SF3A3: variants seen among roughly 807,000 people sequenced by gnomAD.
SF3A3 encodes SAP 61.
Under a neutral mutation model 85.8 loss-of-function variants are expected in SF3A3, and 9 were observed. The observed-to-expected ratio is 0.10, with a 90% CI of 0.06 to 0.18. The LOEUF is 0.18. SF3A3 is among the 10% of genes least tolerant of loss of function. The probability of loss-of-function intolerance (pLI) is 1.00; values close to 1 mark genes in which losing one functional copy is unlikely to be tolerated. For synonymous variants in SF3A3, 195 were observed against 204.4 expected, an observed-to-expected ratio of 0.95 and a Z score of 0.39; for missense variants, 306 against 593.3, an observed-to-expected ratio of 0.52 and a Z score of 5.03.
chr1:37,981,591 T>C (rs1424905476), intron 7 of SF3A3, 138 bp downstream of exon 7: 2 of 680,932 alleles, frequency 2.9e-6, no homozygotes, highest in African/African-American at 1.8e-5. Flanking sequence ...ACATCATTCA[T>C]AACCCCATCC....
intron 15 of SF3A3, chr1:37,960,392 G>C (rs897252108): frequency 4.0e-6 from 2 of 503,060 alleles, no homozygotes; most frequent in Non-Finnish European, 7.2e-6. Flanking sequence ...TATAAAAGTT[G>C]GATCAAATAT....
At chr1:37,980,419 C>T (rs902306041) in intron 8 of SF3A3, among the ~76,000 whole-genome samples, 167 bp downstream of exon 8, 5 of 150,946 alleles carry the variant, frequency 3.3e-5, no homozygotes, top group East Asian at 1.9e-4. Context: ...AGCGAAACTC[C>T]GTCTCCAAAA....
chr1:37,962,277 G>A (rs141366442), intron 15 of SF3A3, among the ~76,000 whole-genome samples: 3,159 of 96,442 alleles, frequency 0.033, 149 homozygotes, highest in African/African-American at 0.12. Flanking sequence ...GTGACAGAGC[G>A]AGACTGTCAA....
Position 37,990,020 on chromosome 1 carries a change from C to CAGG in SF3A3, c.-56_-55insCCT. On this transcript the variant is annotated 5_prime_UTR_variant, in exon 1 of 17. Coordinates refer to ENST00000373019, the MANE Select transcript of SF3A3 (RefSeq NM_006802.4). ...ACCACCAACACGGCCGGAAGCAACT[C>CAGG]CTGCCGCCCAGCGCGCCTGAGTCCC... is the stretch of plus-strand genomic sequence containing the variant. The CAGG allele has an allele frequency of 7.3e-7, 1 of 1,366,884 alleles. No homozygotes were observed. The highest frequency in any genetic ancestry group is 1.0e-6 in the Non-Finnish European group (1 of 965,976). 84.7% of individuals were successfully genotyped at this position (1,366,884 alleles called of 1,614,324 possible). A position where few individuals can be genotyped will look rare whatever the true frequency, so the allele number is the denominator to read the frequency against.
chr1:37,959,822 G>T (rs202230907), intron 16 of SF3A3, among the ~76,000 whole-genome samples: 2 of 151,962 alleles, frequency 1.3e-5, no homozygotes, highest in South Asian at 4.2e-4. Context: ...GTCGGGTGTG[G>T]TGGCGGGCGC....
intron 6 of SF3A3, among the ~76,000 whole-genome samples, chr1:37,982,846 A>C (rs916331753): frequency 6.6e-6 from 1 of 152,094 alleles, no homozygotes; most frequent in African/African-American, 2.4e-5. Flanking sequence ...TGTAATCCCA[A>C]GGCTTTGAGA....
chr1:37,985,949 CTTTT>C (rs10673830), intron 4 of SF3A3, among the ~76,000 whole-genome samples: 3 of 118,942 alleles, frequency 2.5e-5, no homozygotes, highest in Non-Finnish European at 3.3e-5. Context: ...TCCTACCAGA[CTTTT>C]TTTTTTTTTT....
In SF3A3 at chr1:37,974,095, G is replaced by A. The variant is rs534239983; in HGVS notation, c.1005+2789C>T. ...GGGACCTGTTGTGGGGTTGGAGGAC[G>A]GGGGAGGGATAGCATTAGGAGATAT... On this transcript the variant is annotated intron_variant, in intron 12 of 16. Coordinates refer to ENST00000373019, the MANE Select transcript of SF3A3 (RefSeq NM_006802.4). 1.8e-4 allele frequency among the ~76,000 whole-genome samples: 28 copies of A among 152,150 alleles called. 1 individual carries two copies. The South Asian group carries it at 4.4e-3, about 24-fold the overall frequency.
At chr1:37,961,617 A>G (rs1646259158) in intron 15 of SF3A3, among the ~76,000 whole-genome samples, 1 of 151,524 alleles carries the variant, frequency 6.6e-6, no homozygotes, top group African/African-American at 2.4e-5. Flanking sequence ...TGAAGTCTTC[A>G]AGCCCAGGTA....
At position 37,973,093 on chromosome 1, in the gene SF3A3, C is replaced by T. The variant is rs868859280; in HGVS notation, c.1006-3358G>A. On this transcript the variant is annotated intron_variant, in intron 12 of 16. Coordinates refer to ENST00000373019, the MANE Select transcript of SF3A3 (RefSeq NM_006802.4). ...ACTCGGGAGGCTGAGGCAGGAGAAT[C>T]GCTTGGAACCAGGAGGTGGAGGTTG... is the stretch of plus-strand genomic sequence containing the variant. Among the ~76,000 whole-genome samples the T allele has an allele frequency of 7.0e-4, 106 of 152,134 alleles. 1 individual carries two copies. The highest frequency in any genetic ancestry group is 3.4e-3 in the Middle Eastern group (1 of 294).
At chr1:37,984,895 C>A (rs1324574957) in intron 4 of SF3A3, 116 bp from the exon 5 acceptor site, 30 of 783,278 alleles carry the variant, frequency 3.8e-5, no homozygotes, top group Non-Finnish European at 5.9e-5. Flanking sequence ...GCAACCTCTA[C>A]CTCCCGGGTT....
intron 7 of SF3A3, 193 bp from the exon 8 acceptor site, chr1:37,980,917 T>A (rs1646414348): frequency 2.9e-6 from 1 of 349,378 alleles, no homozygotes; most frequent in Non-Finnish European, 5.0e-6. Context: ...TGGCGGGATC[T>A]TGGCTCACCA....
At chr1:37,986,109 C>T (rs1222915364) in intron 4 of SF3A3, among the ~76,000 whole-genome samples, 6 of 152,090 alleles carry the variant, frequency 3.9e-5, no homozygotes, top group African/African-American at 4.8e-5. Flanking sequence ...CCACCATGCC[C>T]GGCTAATTTT....
Position 37,970,255 on chromosome 1 carries a change from T to G in SF3A3, c.1006-520A>C, listed in dbSNP as rs576995116. Among the ~76,000 whole-genome samples the G allele has an allele frequency of 1.3e-4, 19 of 149,594 alleles. No individual in the cohort carries two copies. The South Asian group carries it at 4.0e-3, about 32-fold the overall frequency. ...AGGAGTTTGAGGATGCAGTGAGCTC[T>G]GATCCCGCCACTGCACTCCAGCCTG... On this transcript the variant is annotated intron_variant, in intron 12 of 16. Coordinates refer to ENST00000373019, the MANE Select transcript of SF3A3 (RefSeq NM_006802.4).
At chr1:37,974,202 C>T (rs925613762) in intron 12 of SF3A3, among the ~76,000 whole-genome samples, 2 of 151,330 alleles carry the variant, frequency 1.3e-5, no homozygotes, top group African/African-American at 2.4e-5. Flanking sequence ...ACACGTTGTG[C>T]ACATGTACCC....
intron 12 of SF3A3, among the ~76,000 whole-genome samples, chr1:37,974,512 C>T (rs1392582184): frequency 6.6e-6 from 1 of 152,066 alleles, no homozygotes. Flanking sequence ...CAGTGTTAGC[C>T]AGGATGGTCT....
chr1:37,972,979 G>A (rs1210430180), intron 12 of SF3A3, among the ~76,000 whole-genome samples: 1 of 152,082 alleles, frequency 6.6e-6, no homozygotes, highest in Admixed American at 6.6e-5. Context: ...TCGGGAGTTC[G>A]AGATCAGCCT....
intron 3 of SF3A3, 41 bp downstream of exon 3, chr1:37,987,743 C>G: frequency 6.2e-7 from 1 of 1,604,482 alleles, no homozygotes; most frequent in Non-Finnish European, 8.5e-7. Context: ...CATGGCTCCT[C>G]AGAAGCACTA....
chr1:37,959,607 C>T (rs1309001536), intron 16 of SF3A3, among the ~76,000 whole-genome samples: 1 of 151,972 alleles, frequency 6.6e-6, no homozygotes, highest in Non-Finnish European at 1.5e-5. Context: ...GAGAAAGAGT[C>T]TTGCTCTGTC....
Sources: gnomAD v4.1 joint callset for allele counts (sites outside exome capture counted in the v4.1 genomes callset) on GRCh38, gnomAD v4.1.1 for gene constraint, MANE v1.5 for transcripts, NCBI Gene and HGNC (gene_info 2026-07-23, HGNC 2026-07-21) for gene names.